NCL: variants seen among roughly 807,000 people sequenced by gnomAD.
The protein encoded by NCL is nucleolin multifunctional protein.
In NCL, 4 loss-of-function variants were observed where a neutral mutation model predicts 77.7. The observed-to-expected ratio is 0.05, with a 90% CI of 0.03 to 0.12. The LOEUF is 0.12. NCL is among the 10% of genes least tolerant of loss of function. The pLI, the probability that NCL is intolerant of heterozygous loss-of-function variation, is 1.00. For synonymous variants in NCL, 344 were observed against 297.8 expected (o/e 1.16, Z -1.60); for missense variants, 763 against 860.9 (o/e 0.89, Z 1.42).
Position 231,463,225 on chromosome 2 carries a change from T to A in NCL, c.110A>T (p.Glu37Val), listed in dbSNP as rs757324924. 6.2e-7 allele frequency: 1 copy of A among 1,610,766 alleles called. No individual in the cohort carries two copies. The highest frequency in any genetic ancestry group is 8.5e-7 in the Non-Finnish European group (1 of 1,178,854). ...DSEDEEMSED[E>V]EDDSSGEEVV... ...CTCTTCTCCACTGCTATCATCTTCT[T>A]CATCTTCTGACATTTCCTCATCTTC... Residue 37 changes from glutamate to valine, a missense_variant, in exon 2 of 14, where the codon GAA (glutamate) becomes GTA (valine). Physicochemically the swap from Glu to Val is moderately radical, Grantham distance 121. Transcript: ENST00000322723.
At chr2:231,462,061 C>G in intron 2 of NCL, 44 bp from the exon 3 acceptor site, 1 of 1,602,032 alleles carries the variant, frequency 6.2e-7, no homozygotes. Context: ...CAGCCCCACA[C>G]CCAAAAAGAT....
chr2:231,453,735 G>A lies in NCL; in HGVS notation c.*1456C>T, dbSNP rs1180386396. 1.3e-5 allele frequency: 2 copies of A among 152,656 alleles called. No individual in the cohort carries two copies. The highest frequency in any genetic ancestry group is 4.8e-5 in the African/African-American group (2 of 41,434). The allele number at this position is 152,656 out of a possible 1,614,324, so 9.5% of individuals were successfully genotyped here. A position where few individuals can be genotyped will look rare whatever the true frequency, so the allele number is the denominator to read the frequency against. ...CCCCCATCCCCTGGACATGGAACAG[G>A]GCTGACAAGCAGTAGGTGATAAGCC... On this transcript the variant is annotated 3_prime_UTR_variant, in exon 14 of 14. Transcript: ENST00000322723.
chr2:231,462,913 T>C, intron 2 of NCL: 1 of 369,746 alleles, frequency 2.7e-6, no homozygotes. Flanking sequence ...GGGGTGAGGC[T>C]AACATGTTGA....
At chr2:231,456,437 G>T in intron 11 of NCL, 194 bp downstream of exon 11, 1 of 1,107,358 alleles carries the variant, frequency 9.0e-7, no homozygotes, top group Non-Finnish European at 1.4e-6. Flanking sequence ...ACTCTGAGTT[G>T]ACACAGCTGG....
chr2:231,462,411 T>C, intron 2 of NCL: 1 of 388,398 alleles, frequency 2.6e-6, no homozygotes, highest in South Asian at 1.9e-5. Flanking sequence ...ATTAACTTAT[T>C]AAATCATTTG....
chr2:231,460,575 T>C lies in NCL; in HGVS notation c.812-11A>G, dbSNP rs759048132. 5 of 1,614,232 alleles carry C rather than the reference T, an allele frequency of 3.1e-6. No individual in the cohort carries two copies. The highest frequency in any genetic ancestry group is 1.3e-5 in the African/African-American group (1 of 75,064). On this transcript the variant is annotated splice_polypyrimidine_tract_variant and intron_variant, in intron 4 of 13. Transcript: ENST00000322723. ...CTTCTTTGACAGGCTCTGGACAAGA[T>C]GTCAAACAATGTATCACACATCAGT...
chr2:231,464,076 A>G (rs981561819), intron 1 of NCL: 21 of 1,333,054 alleles, frequency 1.6e-5, no homozygotes, highest in Non-Finnish European at 2.0e-5. Flanking sequence ...CTCCACCCCG[A>G]GGCCCAGCGC....
In NCL at chr2:231,460,649, T is replaced by C; in HGVS notation, c.811+20A>G. On this transcript the variant is annotated intron_variant, in intron 4 of 13. Coordinates refer to ENST00000322723, the MANE Select transcript of NCL (RefSeq NM_005381.3). ...CTTTAAACATAACTCATGTCGTATG[T>C]CAGAATCTAATTTAAGTACCTTCCT... 6.2e-7 allele frequency: 1 copy of C among 1,614,126 alleles called. No homozygotes were observed. Among genetic ancestry groups the C allele is most frequent in the Non-Finnish European group, 8.5e-7 (1 of 1,180,014 alleles).
In NCL at chr2:231,454,990, C is replaced by CTTTAAAAAG; in HGVS notation, c.*192_*200dup. The stretch of plus-strand genomic sequence containing the variant: ...TAAGGGTTAGCTCTATCACTCAACT[C>CTTTAAAAAG]TTTAAAAAGTTTATATGAATATCCA... On this transcript the variant is annotated 3_prime_UTR_variant, in exon 14 of 14. Coordinates refer to ENST00000322723, the MANE Select transcript of NCL (RefSeq NM_005381.3). 1 of 563,870 alleles carries CTTTAAAAAG rather than the reference C, an allele frequency of 1.8e-6. No homozygotes were observed. The highest frequency in any genetic ancestry group is 3.1e-6 in the Non-Finnish European group (1 of 319,476). 34.9% of individuals were successfully genotyped at this position (563,870 alleles called of 1,614,324 possible).
chr2:231,460,754 A>G lies in NCL; in HGVS notation c.726T>C (p.Asp242=), dbSNP rs116104217. The G allele has an allele frequency of 7.9e-4, 1,278 of 1,613,298 alleles. 11 individuals are homozygous for G. In the African/African-American group the frequency reaches 0.013, roughly 16 times the overall value. ...VAEDEDEEED[D]EDEDDDDDED... ...CGTCGTCGTCGTCATCCTCGTCCTC[A>G]TCATCCTCTTCTTCATCTTCATCCT... The change falls in exon 4 of 14, where the codon GAT becomes GAC. Residue 242 remains aspartate (D), a synonymous_variant. Transcript: ENST00000322723.
chr2:231,460,947 A>G, intron 3 of NCL, 81 bp from the exon 4 acceptor site: 1 of 1,130,434 alleles, frequency 8.8e-7, no homozygotes, highest in Non-Finnish European at 1.3e-6. Flanking sequence ...AGAAAATGCA[A>G]TCCTGTCACC....
chr2:231,456,307 A>AT (rs1559540154), intron 11 of NCL, 171 bp from the exon 12 acceptor site: 5 of 937,740 alleles, frequency 5.3e-6, no homozygotes, highest in East Asian at 4.8e-5. Flanking sequence ...CTGGGTTTAC[A>AT]TTTTTTAATT....
At chr2:231,456,273 T>C in intron 11 of NCL, 137 bp from the exon 12 acceptor site, 1 of 1,112,610 alleles carries the variant, frequency 9.0e-7, no homozygotes, top group South Asian at 1.5e-5. Context: ...AGCCAACTAG[T>C]CCTTAATTAA....
intron 5 of NCL, 90 bp from the exon 6 acceptor site, chr2:231,460,383 A>G: frequency 1.9e-6 from 3 of 1,592,726 alleles, no homozygotes; most frequent in South Asian, 1.1e-5. Flanking sequence ...ACATCAGCAC[A>G]CTACAATGTA....
rs780115021 is a variant in NCL at position 231,462,042 on chromosome 2, C to T, written c.136-25G>A. Reference sequence around the variant, plus strand: ...CCTTGAGAATAAATGAAAACCAAACCAGTAAGTCCAGCCCCACACCCAAAA... The same window carrying T: ...CCTTGAGAATAAATGAAAACCAAACTAGTAAGTCCAGCCCCACACCCAAAA... On this transcript the variant is annotated intron_variant, in intron 2 of 13. Transcript: ENST00000322723. 5.4e-5 allele frequency: 87 copies of T among 1,611,118 alleles called. No individual in the cohort carries two copies. In the East Asian group the frequency reaches 1.9e-3, roughly 35 times the overall value.
At position 231,453,791 on chromosome 2, in the gene NCL, GAACC is replaced by G. The variant is rs1272619261; in HGVS notation, c.*1396_*1399del. The G allele has an allele frequency of 1.4e-4, 22 of 152,416 alleles. No homozygotes were observed. The highest frequency in any genetic ancestry group is 5.3e-4 in the African/African-American group (22 of 41,580). 9.4% of individuals were successfully genotyped at this position (152,416 alleles called of 1,614,324 possible). On this transcript the variant is annotated 3_prime_UTR_variant, in exon 14 of 14. Coordinates refer to ENST00000322723, the MANE Select transcript of NCL (RefSeq NM_005381.3). ...ATGTTAAGATTTCAACAGCCCAACT[GAACC>G]AGAGTAAACCCAAAGCAGCTACGTA...
intron 9 of NCL, 179 bp from the exon 10 acceptor site, chr2:231,457,303 G>T: frequency 1.1e-6 from 1 of 907,260 alleles, no homozygotes; most frequent in Non-Finnish European, 1.8e-6. Context: ...GTGTTGCAAT[G>T]TCCTGCTGGT....
chr2:231,461,893 T>C lies in NCL; in HGVS notation c.260A>G (p.Lys87Arg), dbSNP rs1390230733. The change falls in exon 3 of 14, where the codon AAA becomes AGA. Residue 87 changes from lysine (K) to arginine (R), a missense_variant. This residue lies in a region of NCL where 590 missense variants were observed against 570.5 expected (regional missense o/e 1.03). Coordinates refer to ENST00000322723, the MANE Select transcript of NCL (RefSeq NM_005381.3). Reference sequence around the variant, plus strand: ...CTTGGCAGGTGTTGCTGCTGCCTTTTTGCCTGGAGTGACAGCTGCTTTCTT... The same window carrying C: ...CTTGGCAGGTGTTGCTGCTGCCTTTCTGCCTGGAGTGACAGCTGCTTTCTT... ...PAKKAAVTPGKKAAATPAKKT... is the reference protein window; with the variant it reads ...PAKKAAVTPGRKAAATPAKKT... 1 of 1,614,120 alleles carries C rather than the reference T, an allele frequency of 6.2e-7. No individual in the cohort carries two copies. Among genetic ancestry groups the C allele is most frequent in the East Asian group, 2.2e-5 (1 of 44,896 alleles).
chr2:231,461,441 A>T, intron 3 of NCL, 99 bp downstream of exon 3: 1 of 1,518,692 alleles, frequency 6.6e-7, no homozygotes, highest in Non-Finnish European at 8.8e-7. Flanking sequence ...CAAGGATTCT[A>T]ATCTCATCTC....
Sources: gnomAD v4.1 joint callset for allele counts on GRCh38, gnomAD v4.1.1 for gene constraint, gnomAD v4.1.1 regional missense constraint, MANE v1.5 for transcripts, NCBI Gene and HGNC (gene_info 2026-07-23, HGNC 2026-07-21) for gene names.